Variants in AMTN observed in about 807,000 individuals in gnomAD.
AMTN encodes the protein amelotin, also known as RSTI689.
In AMTN, 29 loss-of-function variants were observed where a neutral mutation model predicts 27.4. The ratio of observed to expected loss-of-function variants is 1.06; its 90% CI spans 0.79 to 1.44. The LOEUF is 1.44. AMTN is among the 40% of genes most tolerant of loss of function. AMTN has a pLI of 0.00. For synonymous variants in AMTN, 86 were observed against 95.7 expected, an observed-to-expected ratio of 0.90 and a Z score of 0.59; for missense variants, 247 against 248.8, an observed-to-expected ratio of 0.99 and a Z score of 0.05.
rs200838365 is a variant in AMTN at position 70,523,974 on chromosome 4, T to C, written c.204+41T>C. 341 of 1,527,232 alleles carry C rather than the reference T, an allele frequency of 2.2e-4. 1 individual carries two copies. The African/African-American group carries it at 4.3e-3, about 19-fold the overall frequency. 94.6% of individuals were successfully genotyped at this position (1,527,232 alleles called of 1,614,324 possible). A position where few individuals can be genotyped will look rare whatever the true frequency, so the allele number is the denominator to read the frequency against. On this transcript the variant is annotated intron_variant, in intron 4 of 8. Transcript: ENST00000339336. ...TATTATTTTAATACCCATTGTGAAA[T>C]AAATATAATGCCTAATATTACAGTG...
chr4:70,521,386 AAAAAAAAAGAAG>A (rs1735962641), intron 2 of AMTN, among the ~76,000 whole-genome samples: 1 of 140,494 alleles, frequency 7.1e-6, no homozygotes. Flanking sequence ...CTTAAAAAAA[AAAAAAAAAGAAG>A]AAGAAAAGAA....
At chr4:70,523,791 A>C (rs1287850977) in intron 3 of AMTN, 77 bp from the exon 4 acceptor site, 16 of 1,270,978 alleles carry the variant, frequency 1.3e-5, no homozygotes. Context: ...TGTCAATTAC[A>C]TGAGGATATC....
chr4:70,520,954 G>A (rs949716433), intron 2 of AMTN, among the ~76,000 whole-genome samples: 88 of 152,308 alleles, frequency 5.8e-4, no homozygotes, highest in African/African-American at 2.1e-3. Context: ...ACCTGTTGCA[G>A]AAACAGCAAA....
rs770766043 is a variant in AMTN, at chr4:70,531,112, C to A, written c.431C>A (p.Ala144Asp). Residue 144 changes from alanine to aspartate, a missense_variant, in exon 8 of 9, where the codon GCT (alanine) becomes GAT (aspartate). Physicochemically the swap from Ala to Asp is moderately radical, Grantham distance 126. Transcript: ENST00000339336. ...ATCCTGCCCACCAGTCAGGCAGGGGCTAATCCAGATGTCCAGGATGGAAGC... is the reference window on the plus strand; with the variant it reads ...ATCCTGCCCACCAGTCAGGCAGGGGATAATCCAGATGTCCAGGATGGAAGC... ...GGILPTSQAG[A>D]NPDVQDGSLP... 6.2e-7 allele frequency: 1 copy of A among 1,613,950 alleles called. No homozygotes were observed. Among genetic ancestry groups the A allele is most frequent in the East Asian group, 2.2e-5 (1 of 44,838 alleles).
At chr4:70,523,988 A>T in intron 4 of AMTN, 55 bp downstream of exon 4, 2 of 1,436,524 alleles carry the variant, frequency 1.4e-6, no homozygotes, top group Non-Finnish European at 2.0e-6. Context: ...TATAATGCCT[A>T]ATATTACAGT....
rs760755651 is a variant in AMTN, at chr4:70,531,145, C to G, written c.464C>G (p.Ala155Gly). The stretch of plus-strand genomic sequence containing the variant: ...GATGTCCAGGATGGAAGCCTTCCAG[C>G]AGGAGGAGCAGGTGTAAATCCTGCC... ...NPDVQDGSLP[A>G]GGAGVNPATQ... The change falls in exon 8 of 9, where the codon GCA becomes GGA. Residue 155 changes from alanine (A) to glycine (G), a missense_variant. Ala to Gly is a moderately conservative substitution (Grantham distance 60, BLOSUM62 0). Coordinates refer to ENST00000339336, the MANE Select transcript of AMTN (RefSeq NM_212557.4). 3 of 1,613,940 alleles carry G rather than the reference C, an allele frequency of 1.9e-6. No individual in the cohort carries two copies. The African/African-American group carries it at 4.0e-5, about 22-fold the overall frequency.
At chr4:70,518,906 G>A (rs563103048) in intron 2 of AMTN, 75 bp downstream of exon 2, 1 of 1,211,082 alleles carries the variant, frequency 8.3e-7, no homozygotes, top group African/African-American at 1.5e-5. Flanking sequence ...CCTCTCTCCT[G>A]CCCTCCATCA....
chr4:70,529,391 T>C (rs1374635800), intron 7 of AMTN, among the ~76,000 whole-genome samples, 181 bp downstream of exon 7: 2 of 152,206 alleles, frequency 1.3e-5, no homozygotes, highest in Non-Finnish European at 2.9e-5. Context: ...ATTATACTTC[T>C]CCAGCTACTT....
At chr4:70,524,732 T>G in intron 4 of AMTN, 140 bp from the exon 5 acceptor site, 1 of 763,634 alleles carries the variant, frequency 1.3e-6, no homozygotes. Flanking sequence ...TGTGTCTAAG[T>G]ATACATGCAA....
At chr4:70,526,591 A>G (rs1736103701) in intron 5 of AMTN, among the ~76,000 whole-genome samples, 1 of 152,204 alleles carries the variant, frequency 6.6e-6, no homozygotes, top group Admixed American at 6.5e-5. Flanking sequence ...TAAGATGCAA[A>G]TAAAAAGAGA....
intron 5 of AMTN, among the ~76,000 whole-genome samples, chr4:70,527,561 G>A (rs951034920): frequency 1.2e-4 from 19 of 152,130 alleles, no homozygotes; most frequent in Non-Finnish European, 2.4e-4. Context: ...ATAAATGTAC[G>A]TAATTTTTCC....
At chr4:70,530,504 G>T (rs1372002098) in intron 7 of AMTN, among the ~76,000 whole-genome samples, 3 of 152,126 alleles carry the variant, frequency 2.0e-5, no homozygotes, top group East Asian at 3.8e-4. Context: ...GGCATCAAAA[G>T]CTGGTTAAAA....
chr4:70,526,928 T>C (rs1193253259), intron 5 of AMTN, among the ~76,000 whole-genome samples: 1 of 152,204 alleles, frequency 6.6e-6, no homozygotes, highest in East Asian at 1.9e-4. Flanking sequence ...CAACCCTGCC[T>C]TTCCCTGTGC....
Position 70,528,467 on chromosome 4 carries a change from G to A in AMTN, c.295-256G>A, listed in dbSNP as rs181889841. ...AGTTTGAGACCAGCCTGACCAACAT[G>A]GTGAAACCCCGTCTCTACTAAAAAT... On this transcript the variant is annotated intron_variant, in intron 5 of 8. Coordinates refer to ENST00000339336, the MANE Select transcript of AMTN (RefSeq NM_212557.4). Among the ~76,000 whole-genome samples, 158 of 152,050 alleles carry A rather than the reference G, an allele frequency of 1.0e-3. 3 individuals carry two copies. Among genetic ancestry groups the A allele is most frequent in the African/African-American group, 3.5e-3 (146 of 41,492 alleles).
chr4:70,521,373 C>A (rs1236373026), intron 2 of AMTN, among the ~76,000 whole-genome samples: 2 of 85,300 alleles, frequency 2.3e-5, no homozygotes, highest in African/African-American at 9.4e-5. Flanking sequence ...GAACAAGACT[C>A]CACTTAAAAA....
chr4:70,525,382 T>C (rs1736080084), intron 5 of AMTN, among the ~76,000 whole-genome samples: 1 of 152,148 alleles, frequency 6.6e-6, no homozygotes, highest in African/African-American at 2.4e-5. Flanking sequence ...AATTGTCCCA[T>C]TTTTGCGCCT....
intron 2 of AMTN, among the ~76,000 whole-genome samples, chr4:70,519,711 CT>C (rs67609441): frequency 0.23 from 27,401 of 120,448 alleles, 2,809 homozygotes; most frequent in African/African-American, 0.31. Flanking sequence ...TTTTTTTTAA[CT>C]TTTTTTTTAT....
At chr4:70,524,004 G>T in intron 4 of AMTN, 71 bp downstream of exon 4, 1 of 1,320,504 alleles carries the variant, frequency 7.6e-7, no homozygotes, top group Non-Finnish European at 1.1e-6. Context: ...ACAGTGGGGG[G>T]AGCATGTATA....
chr4:70,524,001 G>T, intron 4 of AMTN, 68 bp downstream of exon 4: 1 of 1,346,760 alleles, frequency 7.4e-7, no homozygotes. Context: ...ATTACAGTGG[G>T]GGGAGCATGT....
Sources: gnomAD v4.1 joint callset for allele counts (sites outside exome capture counted in the v4.1 genomes callset) on GRCh38, gnomAD v4.1.1 for gene constraint, MANE v1.5 for transcripts, NCBI Gene and HGNC (gene_info 2026-07-23, HGNC 2026-07-21) for gene names.